The following MALRD1 variants were observed in gnomAD, a reference collection of about 807,000 sequenced individuals.
MALRD1 encodes the protein MAM and LDL-receptor class A domain-containing protein 1.
MALRD1 carries 247 observed loss-of-function variants against 242.1 expected under a neutral mutation model. The ratio of observed to expected loss-of-function variants is 1.02; its 90% CI spans 0.92 to 1.13. The LOEUF is 1.13. Ranked by LOEUF, MALRD1 falls within the 50% of genes most tolerant of loss-of-function variation. MALRD1 has a pLI of 0.00. For missense variants in MALRD1, 2,989 were observed against 2,533.1 expected (o/e 1.18, Z -3.86); for synonymous variants, 995 against 866.6 (o/e 1.15, Z -2.60).
chr10:19,111,139 A>C (rs1212151758), intron 5 of MALRD1, among the ~76,000 whole-genome samples: 1 of 111,608 alleles, frequency 9.0e-6, no homozygotes, highest in Non-Finnish European at 1.9e-5. Flanking sequence ...GACCAAGTAG[A>C]TGGGCCATCA....
intron 21 of MALRD1, among the ~76,000 whole-genome samples, chr10:19,313,316 G>T (rs1225035836): frequency 1.4e-5 from 2 of 140,042 alleles, no homozygotes; most frequent in African/African-American, 5.3e-5. Flanking sequence ...AATATTAAAT[G>T]AATATTGAAA....
chr10:19,607,999 A>G (rs1425369798), intron 35 of MALRD1, 97 bp downstream of exon 35: 53 of 1,416,886 alleles, frequency 3.7e-5, no homozygotes, highest in Non-Finnish European at 4.9e-5. Context: ...AAACAATGGC[A>G]AGCATGGAAT....
chr10:19,188,770 G>A (rs1021414239), intron 14 of MALRD1, among the ~76,000 whole-genome samples: 4 of 152,154 alleles, frequency 2.6e-5, no homozygotes, highest in Admixed American at 6.6e-5. Context: ...GCCAGTGTCA[G>A]AAATGGAAGC....
At chr10:19,552,720 A>T (rs191486214) in intron 32 of MALRD1, among the ~76,000 whole-genome samples, 1 of 152,156 alleles carries the variant, frequency 6.6e-6, no homozygotes, top group African/African-American at 2.4e-5. Context: ...TTCAAAAGAA[A>T]AAAATTATTT....
chr10:19,482,970 G>T (rs188736476), intron 29 of MALRD1, among the ~76,000 whole-genome samples: 1 of 151,864 alleles, frequency 6.6e-6, no homozygotes, highest in East Asian at 1.9e-4. Flanking sequence ...AACCATAAAA[G>T]AGCCCAAATA....
chr10:19,621,124 A>G (rs1362338437), intron 36 of MALRD1, among the ~76,000 whole-genome samples: 1 of 151,760 alleles, frequency 6.6e-6, no homozygotes, highest in Non-Finnish European at 1.5e-5. Flanking sequence ...TGAAATTTTC[A>G]TTCATACAAG....
intron 21 of MALRD1, among the ~76,000 whole-genome samples, chr10:19,318,523 T>A (rs1842794761): frequency 6.6e-6 from 1 of 151,390 alleles, no homozygotes; most frequent in Admixed American, 6.6e-5. Flanking sequence ...AGGGTTTTTT[T>A]TTTTTATTAT....
chr10:19,205,174 C>G lies in MALRD1; in HGVS notation c.2487C>G (p.Phe829Leu). ...AGAGCTGTGAAGGGCTGGATCATTT[C>G]TGGTGTCGCCACACCAGGGCTTGCA... ...PAESCEGLDH[F>L]WCRHTRACIE... The change falls in exon 17 of 40, where the codon TTC becomes TTG. Residue 829 changes from phenylalanine to leucine, a missense_variant. Phe to Leu is a conservative substitution (Grantham distance 22). Coordinates refer to ENST00000454679, the MANE Select transcript of MALRD1 (RefSeq NM_001142308.3). The G allele has an allele frequency of 2.6e-6, 4 of 1,550,960 alleles. No individual in the cohort carries two copies. In the South Asian group the frequency reaches 4.8e-5, roughly 18 times the overall value.
At chr10:19,202,889 C>G (rs1178262570) in intron 14 of MALRD1, among the ~76,000 whole-genome samples, 1 of 152,106 alleles carries the variant, frequency 6.6e-6, no homozygotes, top group Non-Finnish European at 1.5e-5. Context: ...CGTTCCCACC[C>G]TACAACTTCC....
intron 38 of MALRD1, among the ~76,000 whole-genome samples, chr10:19,707,020 CCTCCTT>C: frequency 6.6e-6 from 1 of 151,498 alleles, no homozygotes; most frequent in South Asian, 2.1e-4. Flanking sequence ...TTCTTCTCTT[CCTCCTT>C]CTCCTTCTCT....
intron 17 of MALRD1, among the ~76,000 whole-genome samples, chr10:19,207,940 A>C (rs1836860386): frequency 6.6e-6 from 1 of 152,230 alleles, no homozygotes; most frequent in Admixed American, 6.5e-5. Flanking sequence ...TGACACTTAA[A>C]CACAGGCACT....
At chr10:19,193,540 C>T (rs1001164040) in intron 14 of MALRD1, among the ~76,000 whole-genome samples, 3 of 151,978 alleles carry the variant, frequency 2.0e-5, no homozygotes, top group South Asian at 4.2e-4. Context: ...GGCAACACAG[C>T]GAGACCCCAT....
chr10:19,632,217 A>C (rs1211620729), intron 36 of MALRD1, among the ~76,000 whole-genome samples: 3 of 152,186 alleles, frequency 2.0e-5, no homozygotes, highest in Non-Finnish European at 4.4e-5. Context: ...GTAGAGCTTC[A>C]AAGAAAAATC....
At chr10:19,304,821 T>C (rs1177164024) in intron 21 of MALRD1, among the ~76,000 whole-genome samples, 2 of 151,786 alleles carry the variant, frequency 1.3e-5, no homozygotes, top group Non-Finnish European at 2.9e-5. Flanking sequence ...CATCACATTG[T>C]GATATCAGTG....
chr10:19,392,600 T>A (rs565059067), intron 28 of MALRD1, among the ~76,000 whole-genome samples: 1 of 152,264 alleles, frequency 6.6e-6, no homozygotes, highest in East Asian at 1.9e-4. Flanking sequence ...TATTTCTGTA[T>A]TTTTTGCCTT....
chr10:19,221,050 T>G (rs1043469844), intron 18 of MALRD1, among the ~76,000 whole-genome samples: 1 of 152,100 alleles, frequency 6.6e-6, no homozygotes, highest in Non-Finnish European at 1.5e-5. Context: ...TGATAACATC[T>G]TTTAATAATG....
rs1486681307 is a variant in MALRD1 at position 19,100,452 on chromosome 10, G to A, written c.598-3527G>A. Among the ~76,000 whole-genome samples, 8 of 150,030 alleles carry A rather than the reference G, an allele frequency of 5.3e-5. No individual in the cohort carries two copies. In the East Asian group the frequency reaches 1.6e-3, roughly 30 times the overall value. On this transcript the variant is annotated intron_variant, in intron 4 of 39. Coordinates refer to ENST00000454679, the MANE Select transcript of MALRD1 (RefSeq NM_001142308.3). ...TTTAAAAGCTGCTTCAGTAGTCCAG[G>A]GTGAGGAGATGGGAGAGGAAATAAG...
chr10:19,671,375 T>G (rs531987495), intron 36 of MALRD1, among the ~76,000 whole-genome samples: 1 of 152,138 alleles, frequency 6.6e-6, no homozygotes, highest in Non-Finnish European at 1.5e-5. Flanking sequence ...CCCAACACTT[T>G]GAGAGGCCAA....
At chr10:19,573,933 T>A (rs1038037305) in intron 33 of MALRD1, among the ~76,000 whole-genome samples, 1 of 152,168 alleles carries the variant, frequency 6.6e-6, no homozygotes, top group African/African-American at 2.4e-5. Context: ...TTTGTTGTTA[T>A]TGAATTGAAA....
Sources: gnomAD v4.1 joint callset for allele counts (sites outside exome capture counted in the v4.1 genomes callset) on GRCh38, gnomAD v4.1.1 for gene constraint, MANE v1.5 for transcripts, NCBI Gene and HGNC (gene_info 2026-07-23, HGNC 2026-07-21) for gene names.